The following CHD1L variants were observed in gnomAD, a reference collection of about 807,000 sequenced individuals.
CHD1L encodes the protein ATP-dependent chromatin remodeler CHD1L.
In CHD1L, 118 loss-of-function variants were observed where a neutral mutation model predicts 115.9. That is an observed-to-expected ratio of 1.02 (90% CI 0.88 to 1.19). The LOEUF (loss-of-function observed/expected upper bound fraction) is 1.19, where lower values mean the gene tolerates loss of function less well. Among genes scored for constraint, CHD1L ranks in the 50% most tolerant of loss-of-function variants. The pLI is 0.00. For missense variants in CHD1L, 1,179 were observed against 1,065.3 expected, an observed-to-expected ratio of 1.11 and a Z score of -1.49; for synonymous variants, 411 against 387.1, an observed-to-expected ratio of 1.06 and a Z score of -0.72.
At chr1:147,277,239 A>G (rs1487172116) in intron 14 of CHD1L, among the ~76,000 whole-genome samples, 1 of 152,220 alleles carries the variant, frequency 6.6e-6, no homozygotes, top group Non-Finnish European at 1.5e-5. Context: ...AAAGGAAAGA[A>G]TTTTATTTGT....
At chr1:147,203,796 A>T in the CHD1L span, 2 of 1,546,940 alleles carry the variant, frequency 1.3e-6, no homozygotes, top group South Asian at 2.2e-5. Flanking sequence ...TTGTCTGTAG[A>T]GCCCCGAAGT....
At chr1:147,178,803 C>T in the CHD1L span, 1 of 1,604,880 alleles carries the variant, frequency 6.2e-7, no homozygotes, top group East Asian at 2.2e-5. Context: ...TGACCAGTGG[C>T]AAAATTAAAA....
the CHD1L span, among the ~76,000 whole-genome samples, chr1:147,191,991 C>T: frequency 1.6e-4 from 25 of 151,920 alleles, no homozygotes; most frequent in African/African-American, 5.1e-4. Flanking sequence ...CTTGGTGATG[C>T]GGGCTCTTTT....
rs377310969 is a variant in CHD1L at position 147,242,710 on chromosome 1, C to T, written c.7C>T (p.Arg3Cys). The T allele has an allele frequency of 1.0e-5, 13 of 1,257,928 alleles. No individual in the cohort carries two copies. The highest frequency in any genetic ancestry group is 2.8e-4 in the Middle Eastern group (1 of 3,578). The allele number at this position is 1,257,928 out of a possible 1,614,324, so 77.9% of individuals were successfully genotyped here. A position where few individuals can be genotyped will look rare whatever the true frequency, so the allele number is the denominator to read the frequency against. The change falls in exon 1 of 23, where the codon CGC becomes TGC. Residue 3 changes from arginine (R) to cysteine (C), a missense_variant. By Grantham distance (180) the Arg-to-Cys change is radical. Coordinates refer to ENST00000369258, the MANE Select transcript of CHD1L (RefSeq NM_004284.6). ...CGGGGCCTCTACCGGCCCGATGGAGCGCGCGGGCGCTACTAGCCGCGGGGG... is the reference window on the plus strand; with the variant it reads ...CGGGGCCTCTACCGGCCCGATGGAGTGCGCGGGCGCTACTAGCCGCGGGGG... MERAGATSRGGQA... is the reference protein window; with the variant it reads MECAGATSRGGQA...
At position 147,295,420 on chromosome 1, in the gene CHD1L, A is replaced by G. The variant is rs1553976111; in HGVS notation, c.2616-11A>G. On this transcript the variant is annotated splice_polypyrimidine_tract_variant and intron_variant, in intron 22 of 22. Transcript: ENST00000369258. Reference sequence around the variant, plus strand: ...GTGATGACATGTATCTTCCTTGACCATCCTTATCAGATATTATTTTCCTAG... The same window carrying G: ...GTGATGACATGTATCTTCCTTGACCGTCCTTATCAGATATTATTTTCCTAG... 1.3e-6 allele frequency: 2 copies of G among 1,590,396 alleles called. No homozygotes were observed. Among genetic ancestry groups the G allele is most frequent in the Non-Finnish European group, 8.6e-7 (1 of 1,159,804 alleles).
rs782423515 is a variant in CHD1L, at chr1:147,275,416, C to T, written c.1333C>T (p.Pro445Ser). ...GATTTTTGTTGACAGTGACTTTAATCCTCAGAATGACTTGCAAGCAGCTGC... is the reference window on the plus strand; with the variant it reads ...GATTTTTGTTGACAGTGACTTTAATTCTCAGAATGACTTGCAAGCAGCTGC... ...TVIFVDSDFN[P>S]QNDLQAAARA... Residue 445 changes from proline (P) to serine (S), a missense_variant, in exon 13 of 23, where the codon CCT becomes TCT. Transcript: ENST00000369258. The T allele has an allele frequency of 3.1e-6, 5 of 1,614,124 alleles. No homozygotes were observed. Among genetic ancestry groups the T allele is most frequent in the Non-Finnish European group, 4.2e-6 (5 of 1,179,982 alleles).
the CHD1L span, among the ~76,000 whole-genome samples, chr1:147,192,548 G>A: frequency 6.6e-6 from 1 of 151,788 alleles, no homozygotes; most frequent in African/African-American, 2.4e-5. Context: ...CCAACACTCT[G>A]TTGAATAGGA....
chr1:147,190,313 C>T, the CHD1L span: 2 of 1,009,778 alleles, frequency 2.0e-6, no homozygotes, highest in East Asian at 4.8e-5. Context: ...ATCCTATAAA[C>T]AATTACTATG....
intron 2 of CHD1L, 45 bp from the exon 3 acceptor site, chr1:147,254,825 A>T (rs587679276): frequency 1.4e-6 from 2 of 1,383,580 alleles, no homozygotes; most frequent in African/African-American, 1.4e-5. Context: ...GTTGTTTCTC[A>T]TGGGGAAATG....
At position 147,264,431 on chromosome 1, in the gene CHD1L, G is replaced by C. The variant is rs782265673; in HGVS notation, c.586G>C (p.Val196Leu). ...TATTTATGTATTTGAGTTCTCAGTAGTCTTCAGTCTCCTGTTGACCGGAAC... is the reference window on the plus strand; with the variant it reads ...TATTTATGTATTTGAGTTCTCAGTACTCTTCAGTCTCCTGTTGACCGGAAC... ...LHKTLSEFSV[V>L]FSLLLTGTPI... Residue 196 changes from valine to leucine, a missense_variant, in exon 7 of 23, where the codon GTC (valine) becomes CTC (leucine). Coordinates refer to ENST00000369258, the MANE Select transcript of CHD1L (RefSeq NM_004284.6). The C allele has an allele frequency of 3.7e-6, 6 of 1,607,204 alleles. No individual in the cohort carries two copies. Among genetic ancestry groups the C allele is most frequent in the Non-Finnish European group, 5.1e-6 (6 of 1,176,454 alleles).
the CHD1L span, among the ~76,000 whole-genome samples, chr1:147,226,838 C>CTTTTT: frequency 2.0e-5 from 3 of 148,942 alleles, no homozygotes; most frequent in East Asian, 2.0e-4. Flanking sequence ...AACTGTCGAA[C>CTTTTT]TTTTTTTTTT....
chr1:147,185,835 G>A, the CHD1L span, among the ~76,000 whole-genome samples: 1 of 152,202 alleles, frequency 6.6e-6, no homozygotes, highest in South Asian at 2.1e-4. Flanking sequence ...AGAATCATCA[G>A]TGGCACTGGG....
chr1:147,229,226 C>T, the CHD1L span, among the ~76,000 whole-genome samples: 8 of 152,090 alleles, frequency 5.3e-5, no homozygotes, highest in Admixed American at 3.3e-4. Flanking sequence ...TTTCTACATA[C>T]AGCTAGCCCG....
At chr1:147,193,765 C>T in the CHD1L span, among the ~76,000 whole-genome samples, 1 of 152,200 alleles carries the variant, frequency 6.6e-6, no homozygotes, top group African/African-American at 2.4e-5. Flanking sequence ...TCGTTATGTA[C>T]CCAGTAGTCA....
chr1:147,293,514 AC>A, intron 20 of CHD1L, 93 bp from the exon 21 acceptor site: 2 of 917,894 alleles, frequency 2.2e-6, no homozygotes, highest in South Asian at 2.8e-5. Context: ...AGCCCAAGTG[AC>A]CCATCAAGGG....
intron 13 of CHD1L, 85 bp downstream of exon 13, chr1:147,275,553 G>C: frequency 9.6e-7 from 1 of 1,044,608 alleles, no homozygotes; most frequent in Non-Finnish European, 1.5e-6. Flanking sequence ...CCTGGTGACA[G>C]TCCCACACTG....
At chr1:147,206,723 T>C in the CHD1L span, among the ~76,000 whole-genome samples, 1 of 151,930 alleles carries the variant, frequency 6.6e-6, no homozygotes, top group Non-Finnish European at 1.5e-5. Context: ...TGAGAACACT[T>C]GGACACAGGA....
At chr1:147,235,994 G>C in the CHD1L span, among the ~76,000 whole-genome samples, 1 of 152,194 alleles carries the variant, frequency 6.6e-6, no homozygotes, top group African/African-American at 2.4e-5. Context: ...TCCCATGCCA[G>C]CCAAGGGCCA....
chr1:147,179,626 A>G, the CHD1L span: 33 of 1,523,934 alleles, frequency 2.2e-5, no homozygotes, highest in Middle Eastern at 2.3e-4. Context: ...GAGGATCTCT[A>G]AAGCAGTAGG....
Sources: allele counts gnomAD v4.1 joint callset (sites outside exome capture counted in the v4.1 genomes callset), GRCh38; gene constraint gnomAD v4.1.1; transcripts MANE v1.5; gene names NCBI Gene and HGNC (gene_info 2026-07-23, HGNC 2026-07-21).